FAM107B: variants seen among roughly 807,000 people sequenced by gnomAD.
FAM107B encodes the protein family with sequence similarity 107 member B.
Under a neutral mutation model 31.5 loss-of-function variants are expected in FAM107B, and 21 were observed. That is an observed-to-expected ratio of 0.67 (90% CI 0.47 to 0.96). The LOEUF is 0.96. Among genes scored for constraint, FAM107B ranks in the 40% least tolerant of loss-of-function variants. The probability of loss-of-function intolerance (pLI) is 0.00; values close to 1 mark genes in which losing one functional copy is unlikely to be tolerated. For synonymous variants in FAM107B, 157 were observed against 141.5 expected (o/e 1.11, Z -0.78); for missense variants, 452 against 377.1 (o/e 1.20, Z -1.64).
At chr10:14,678,153 C>A (rs1273383527) in intron 1 of FAM107B, among the ~76,000 whole-genome samples, 1 of 152,148 alleles carries the variant, frequency 6.6e-6, no homozygotes, top group Non-Finnish European at 1.5e-5. Flanking sequence ...CACGCTGAAT[C>A]CAAAATGACT....
chr10:14,767,055 T>TAGAG (rs1186875187), intron 1 of FAM107B, among the ~76,000 whole-genome samples: 211 of 18,274 alleles, frequency 0.012, 15 homozygotes, highest in Non-Finnish European at 0.015. Flanking sequence ...TATATATATA[T>TAGAG]AGAGAGAGAG....
intron 2 of FAM107B, among the ~76,000 whole-genome samples, chr10:14,633,011 C>T (rs573950670): frequency 7.2e-5 from 11 of 152,132 alleles, no homozygotes; most frequent in African/African-American, 2.6e-4. Flanking sequence ...CTAGCCTGGC[C>T]AACATGGTAA....
At chr10:14,689,889 G>A (rs1242584504) in intron 1 of FAM107B, among the ~76,000 whole-genome samples, 2 of 151,882 alleles carry the variant, frequency 1.3e-5, no homozygotes, top group African/African-American at 4.8e-5. Context: ...CTTGAGCCTG[G>A]AGAGGTCGAG....
intron 2 of FAM107B, among the ~76,000 whole-genome samples, chr10:14,596,444 A>G (rs1852191416): frequency 6.6e-6 from 1 of 152,240 alleles, no homozygotes; most frequent in Non-Finnish European, 1.5e-5. Context: ...GATGACTGGC[A>G]TATGGCAGCA....
At chr10:14,634,399 CAAA>C (rs59139195) in intron 2 of FAM107B, among the ~76,000 whole-genome samples, 5,530 of 116,584 alleles carry the variant, frequency 0.047, 132 homozygotes, top group African/African-American at 0.094. Context: ...GACTCTGTCT[CAAA>C]AAAAAAAAAA....
intron 1 of FAM107B, among the ~76,000 whole-genome samples, chr10:14,716,731 T>C (rs1046310899): frequency 1.2e-4 from 18 of 152,212 alleles, no homozygotes; most frequent in African/African-American, 4.1e-4. Context: ...AATCTCTCGG[T>C]TTCCACATCT....
intron 1 of FAM107B, among the ~76,000 whole-genome samples, chr10:14,679,105 T>C (rs1854764574): frequency 6.6e-6 from 1 of 151,936 alleles, no homozygotes; most frequent in Admixed American, 6.6e-5. Context: ...AGCCTCAGTT[T>C]CATCATAAAA....
At chr10:14,761,662 C>T (rs759297640) in intron 1 of FAM107B, among the ~76,000 whole-genome samples, 11 of 151,924 alleles carry the variant, frequency 7.2e-5, no homozygotes, top group Non-Finnish European at 1.6e-4. Flanking sequence ...TGCAGTGGTG[C>T]GATCTCAGCT....
chr10:14,674,910 A>AT (rs1291966524), intron 1 of FAM107B, among the ~76,000 whole-genome samples: 22 of 151,178 alleles, frequency 1.5e-4, no homozygotes, highest in Admixed American at 4.6e-4. Context: ...AATTTTCATA[A>AT]TTTTTTTTTG....
chr10:14,709,696 AAAAC>A (rs1371515387), intron 1 of FAM107B, among the ~76,000 whole-genome samples: 2 of 152,246 alleles, frequency 1.3e-5, no homozygotes, highest in African/African-American at 2.4e-5. Context: ...GGTGAATGGC[AAAAC>A]AAACTGTGGT....
intron 2 of FAM107B, among the ~76,000 whole-genome samples, chr10:14,647,508 G>A (rs896900269): frequency 4.6e-5 from 7 of 151,832 alleles, no homozygotes; most frequent in Admixed American, 1.3e-4. Context: ...GTGAAACCCC[G>A]TCTCTACTAA....
intron 1 of FAM107B, among the ~76,000 whole-genome samples, chr10:14,716,808 C>T (rs78510478): frequency 0.12 from 17,656 of 152,016 alleles, 1,220 homozygotes; most frequent in African/African-American, 0.19. Flanking sequence ...AAATGACTTG[C>T]GCCAGGCACA....
At chr10:14,554,448 T>C (rs1849526913) in intron 2 of FAM107B, among the ~76,000 whole-genome samples, 1 of 152,096 alleles carries the variant, frequency 6.6e-6, no homozygotes, top group South Asian at 2.1e-4. Flanking sequence ...GGAGAACCAT[T>C]AGATTAAACT....
chr10:14,544,524 T>C (rs1848525838), intron 2 of FAM107B, among the ~76,000 whole-genome samples: 1 of 152,198 alleles, frequency 6.6e-6, no homozygotes, highest in Admixed American at 6.5e-5. Flanking sequence ...TCCCTTACAT[T>C]TAGAAAATCA....
At chr10:14,710,760 T>A (rs1167235432) in intron 1 of FAM107B, among the ~76,000 whole-genome samples, 1 of 151,654 alleles carries the variant, frequency 6.6e-6, no homozygotes, top group Admixed American at 6.6e-5. Flanking sequence ...GATTATAGAG[T>A]ATGGATATAA....
At position 14,684,381 on chromosome 10, in the gene FAM107B, G is replaced by A. The variant is rs112085878; in HGVS notation, c.412-16690C>T. Among the ~76,000 whole-genome samples, 44 of 152,288 alleles carry A rather than the reference G, an allele frequency of 2.9e-4. 1 individual carries two copies. The highest frequency in any genetic ancestry group is 1.1e-3 in the African/African-American group (44 of 41,550). On this transcript the variant is annotated intron_variant, in intron 1 of 4. Coordinates refer to ENST00000181796, the MANE Select transcript of FAM107B (RefSeq NM_031453.4). ...GTAGGAGAATCACTTGAACCTGGGA[G>A]GTGGAAGTTGCAGTGAGCCAAGATC...
intron 1 of FAM107B, among the ~76,000 whole-genome samples, chr10:14,719,364 G>A (rs1855858146): frequency 6.6e-6 from 1 of 152,198 alleles, no homozygotes; most frequent in Non-Finnish European, 1.5e-5. Flanking sequence ...CTGGAAATGG[G>A]TTTGTAAGTG....
chr10:14,604,373 G>T (rs1852520602), intron 2 of FAM107B: 1 of 427,904 alleles, frequency 2.3e-6, no homozygotes, highest in Non-Finnish European at 3.1e-6. Flanking sequence ...GGCCCGGCCC[G>T]CAAGCCAGTC....
intron 2 of FAM107B, among the ~76,000 whole-genome samples, chr10:14,621,031 G>T (rs1182944598): frequency 6.6e-6 from 1 of 152,060 alleles, no homozygotes; most frequent in Non-Finnish European, 1.5e-5. Context: ...CCCACAGATT[G>T]ACCTTGTATC....
Sources: allele counts gnomAD v4.1 joint callset (sites outside exome capture counted in the v4.1 genomes callset), GRCh38; gene constraint gnomAD v4.1.1; transcripts MANE v1.5; gene names NCBI Gene and HGNC (gene_info 2026-07-23, HGNC 2026-07-21).